The following HDAC9 variants were observed in gnomAD, a reference collection of about 807,000 sequenced individuals.
The protein encoded by HDAC9 is MEF-2 interacting transcription repressor (MITR) protein.
HDAC9 carries 41 observed loss-of-function variants against 139.4 expected under a neutral mutation model. That is an observed-to-expected ratio of 0.29 (90% CI 0.23 to 0.38). HDAC9 has a LOEUF of 0.38. HDAC9 is among the 10% of genes least tolerant of loss of function. The probability of loss-of-function intolerance (pLI) is 1.00; values close to 1 mark genes in which losing one functional copy is unlikely to be tolerated. For missense variants in HDAC9, 1,147 were observed against 1,297.0 expected (o/e 0.88, Z 1.78); for synonymous variants, 517 against 476.2 (o/e 1.09, Z -1.12).
chr7:18,340,218 G>A (rs1376179979), intron 1 of HDAC9, among the ~76,000 whole-genome samples: 1 of 151,382 alleles, frequency 6.6e-6, no homozygotes, highest in Non-Finnish European at 1.5e-5. Flanking sequence ...TGTTAGCATA[G>A]TATATCTTTT....
chr7:18,485,614 A>C (rs1346130469), intron 1 of HDAC9, among the ~76,000 whole-genome samples: 1 of 151,778 alleles, frequency 6.6e-6, no homozygotes, highest in South Asian at 2.1e-4. Context: ...ATTTAGTTCT[A>C]ATTTATGTAT....
At chr7:18,697,191 G>A (rs755850159) in intron 12 of HDAC9, among the ~76,000 whole-genome samples, 3 of 152,318 alleles carry the variant, frequency 2.0e-5, no homozygotes, top group Non-Finnish European at 4.4e-5. Context: ...ATCTGGATGA[G>A]CTTCTCTAGG....
rs953883100 is a variant in HDAC9, at chr7:18,997,037, A to C, written c.*975A>C. 9 of 152,180 alleles carry C rather than the reference A, an allele frequency of 5.9e-5. No homozygotes were observed. The highest frequency in any genetic ancestry group is 1.9e-4 in the African/African-American group (8 of 41,522). The allele number at this position is 152,180 out of a possible 1,614,324, so 9.4% of individuals were successfully genotyped here. ...GATTTCTTCTTACCTTTCATCATTC[A>C]TTCCTTCCTTTAGAAAAACTGAAGA... On this transcript the variant is annotated 3_prime_UTR_variant, in exon 26 of 26. Coordinates refer to ENST00000686413, the MANE Select transcript of HDAC9 (RefSeq NM_178425.4).
At chr7:18,990,421 G>C (rs1785794613) in intron 25 of HDAC9, among the ~76,000 whole-genome samples, 1 of 152,222 alleles carries the variant, frequency 6.6e-6, no homozygotes, top group Non-Finnish European at 1.5e-5. Context: ...ATCTCCAGCT[G>C]CGTGCTGGGA....
intron 2 of HDAC9, among the ~76,000 whole-genome samples, chr7:18,231,386 A>G (rs1793450880): frequency 6.6e-6 from 1 of 152,136 alleles, no homozygotes; most frequent in Admixed American, 6.6e-5. Flanking sequence ...ATCCCCTCTC[A>G]TGGGGCTGTG....
At chr7:18,157,257 C>T (rs1290391237) in intron 1 of HDAC9, among the ~76,000 whole-genome samples, 6 of 152,180 alleles carry the variant, frequency 3.9e-5, no homozygotes, top group Admixed American at 3.9e-4. Flanking sequence ...GGTGTTCATT[C>T]TGAGTAGCCT....
At chr7:18,833,840 C>A (rs917204189) in intron 19 of HDAC9, among the ~76,000 whole-genome samples, 1 of 152,102 alleles carries the variant, frequency 6.6e-6, no homozygotes, top group Non-Finnish European at 1.5e-5. Context: ...TCAGAATTCA[C>A]CAAAAGAAGG....
At position 18,565,644 on chromosome 7, in the gene HDAC9, GA is replaced by G. The variant is rs962754408; in HGVS notation, c.23-19629del. On this transcript the variant is annotated intron_variant, in intron 2 of 25. Transcript: ENST00000686413. ...TGTAGGGTACTTCTGTAGAAAAAAA[GA>G]AAAAAAAGGGTGGGGAATTCTTTCA... Among the ~76,000 whole-genome samples, 16 of 150,794 alleles carry G rather than the reference GA, an allele frequency of 1.1e-4. No homozygotes were observed. In the East Asian group the frequency reaches 3.1e-3, roughly 29 times the overall value.
At chr7:18,414,086 G>A (rs543887426) in intron 1 of HDAC9, among the ~76,000 whole-genome samples, 1 of 152,276 alleles carries the variant, frequency 6.6e-6, no homozygotes, top group African/African-American at 2.4e-5. Flanking sequence ...CTGAGGTGCT[G>A]TAACTAGAAT....
chr7:18,507,995 G>A (rs1800326381), intron 2 of HDAC9, among the ~76,000 whole-genome samples: 1 of 152,212 alleles, frequency 6.6e-6, no homozygotes, highest in Admixed American at 6.5e-5. Context: ...ATTGTTTGAA[G>A]CTTTGGGAAC....
intron 22 of HDAC9, among the ~76,000 whole-genome samples, chr7:18,880,425 T>C (rs140690961): frequency 6.6e-6 from 1 of 152,112 alleles, no homozygotes; most frequent in African/African-American, 2.4e-5. Context: ...CATCAATGAT[T>C]GACTGAACAA....
chr7:18,798,291 A>G (rs1395741960), intron 17 of HDAC9, among the ~76,000 whole-genome samples: 2 of 152,194 alleles, frequency 1.3e-5, no homozygotes, highest in East Asian at 3.8e-4. Context: ...TCTCCATAAA[A>G]ACAATGATAA....
intron 1 of HDAC9, among the ~76,000 whole-genome samples, chr7:18,337,746 T>C (rs764599529): frequency 3.1e-4 from 47 of 151,962 alleles, no homozygotes; most frequent in Non-Finnish European, 5.0e-4. Context: ...TAGGAAATGA[T>C]TGGGCATGTG....
chr7:18,137,170 G>T (rs1179610508), intron 1 of HDAC9, among the ~76,000 whole-genome samples: 3 of 137,278 alleles, frequency 2.2e-5, no homozygotes, highest in Non-Finnish European at 4.6e-5. Context: ...CTGAGACTTT[G>T]CTGAAGTTGC....
intron 1 of HDAC9, among the ~76,000 whole-genome samples, chr7:18,114,983 A>G (rs914139113): frequency 1.3e-5 from 2 of 152,202 alleles, no homozygotes; most frequent in Non-Finnish European, 2.9e-5. Flanking sequence ...TTAGAAGTGT[A>G]TAAGTATATT....
chr7:18,599,334 A>G (rs948642009), intron 6 of HDAC9, among the ~76,000 whole-genome samples: 1 of 152,142 alleles, frequency 6.6e-6, no homozygotes, highest in African/African-American at 2.4e-5. Flanking sequence ...AGTTTATATT[A>G]AGGTTTACTC....
chr7:18,838,111 C>T (rs1007386319), intron 21 of HDAC9, among the ~76,000 whole-genome samples: 1 of 151,966 alleles, frequency 6.6e-6, no homozygotes, highest in Non-Finnish European at 1.5e-5. Flanking sequence ...TCATTTATGA[C>T]CAGAAGTACT....
At chr7:18,793,567 A>T (rs1313321179) in intron 17 of HDAC9, 115 bp downstream of exon 17, 1 of 738,910 alleles carries the variant, frequency 1.4e-6, no homozygotes, top group Non-Finnish European at 2.4e-6. Flanking sequence ...GGGCAGAAGG[A>T]AGAGGGTAGA....
intron 1 of HDAC9, among the ~76,000 whole-genome samples, chr7:18,481,169 C>A (rs1377559299): frequency 1.3e-5 from 2 of 152,120 alleles, no homozygotes; most frequent in East Asian, 3.9e-4. Flanking sequence ...CCCCACTTAA[C>A]AACTGTAAAT....
Sources: gnomAD v4.1 joint callset for allele counts (sites outside exome capture counted in the v4.1 genomes callset) on GRCh38, gnomAD v4.1.1 for gene constraint, MANE v1.5 for transcripts, NCBI Gene and HGNC (gene_info 2026-07-23, HGNC 2026-07-21) for gene names.